Variants in MSI2 observed in about 807,000 individuals in gnomAD.
MSI2 encodes RNA-binding protein Musashi homolog 2.
A neutral mutation model predicts 45.6 loss-of-function variants in MSI2; 17 were observed. That is an observed-to-expected ratio of 0.37 (90% CI 0.26 to 0.56). The LOEUF is 0.56. Among genes scored for constraint, MSI2 ranks in the 20% least tolerant of loss-of-function variants. The pLI is 0.77. For missense variants in MSI2, 293 were observed against 444.2 expected (o/e 0.66, Z 3.06); for synonymous variants, 156 against 158.2 (o/e 0.99, Z 0.11).
At chr17:57,662,411 G>A (rs1726154438) in intron 11 of MSI2, among the ~76,000 whole-genome samples, 1 of 152,184 alleles carries the variant, frequency 6.6e-6, no homozygotes, top group Non-Finnish European at 1.5e-5. Flanking sequence ...CATGTATTAT[G>A]AGTGAGCCAA....
intron 6 of MSI2, among the ~76,000 whole-genome samples, chr17:57,408,909 C>T (rs1030909444): frequency 6.9e-6 from 1 of 144,392 alleles, no homozygotes; most frequent in African/African-American, 2.5e-5. Flanking sequence ...CCGTAGGATA[C>T]CCCCTTACAC....
At chr17:57,567,931 C>T (rs2144289634) in intron 7 of MSI2, among the ~76,000 whole-genome samples, 1 of 152,322 alleles carries the variant, frequency 6.6e-6, no homozygotes, top group South Asian at 2.1e-4. Context: ...CTTCCAATAA[C>T]CTTTGCAAGA....
chr17:57,579,277 A>G (rs931852885), intron 7 of MSI2, among the ~76,000 whole-genome samples: 5 of 152,232 alleles, frequency 3.3e-5, no homozygotes, highest in South Asian at 2.1e-4. Context: ...GAATGGCCGT[A>G]ACATGGCTAT....
intron 6 of MSI2, among the ~76,000 whole-genome samples, chr17:57,472,734 G>C (rs548514162): frequency 3.9e-5 from 6 of 152,268 alleles, no homozygotes; most frequent in African/African-American, 9.6e-5. Context: ...CGTGGATCCT[G>C]GTACGTCGTA....
intron 5 of MSI2, chr17:57,267,041 G>T (rs1335463799): frequency 1.3e-5 from 2 of 152,446 alleles, no homozygotes; most frequent in East Asian, 3.8e-4. Context: ...TTTCTTGGCA[G>T]CTTCTCAAGG....
intron 5 of MSI2, among the ~76,000 whole-genome samples, chr17:57,388,313 G>A (rs1034889869): frequency 2.0e-5 from 3 of 152,216 alleles, no homozygotes; most frequent in Non-Finnish European, 4.4e-5. Context: ...GGGCTGGGGG[G>A]AATTTGACTT....
At chr17:57,585,113 G>A (rs987190552) in intron 7 of MSI2, among the ~76,000 whole-genome samples, 4 of 151,980 alleles carry the variant, frequency 2.6e-5, no homozygotes, top group East Asian at 1.9e-4. Flanking sequence ...CCACCACCAC[G>A]CCCAGCCCTC....
chr17:57,696,642 A>C, the MSI2 span, among the ~76,000 whole-genome samples: 541 of 152,246 alleles, frequency 3.6e-3, 7 homozygotes, highest in East Asian at 0.011. Context: ...GGCTGAGGCA[A>C]GAGGATCACT....
chr17:57,411,148 G>T (rs1235275693), intron 6 of MSI2, among the ~76,000 whole-genome samples: 1 of 152,086 alleles, frequency 6.6e-6, no homozygotes, highest in African/African-American at 2.4e-5. Context: ...AGGACTACAG[G>T]CATGCACCAC....
the MSI2 span, among the ~76,000 whole-genome samples, chr17:57,697,153 C>CACATACACACACACACACACAG: frequency 6.6e-6 from 1 of 150,934 alleles, no homozygotes; most frequent in African/African-American, 2.4e-5. Context: ...GACACACACA[C>CACATACACACACACACACACAG]ACACACACAC....
At chr17:57,687,432 T>C, downstream of MSI2, among the ~76,000 whole-genome samples, 1 of 151,810 alleles carries the variant, frequency 6.6e-6, no homozygotes, top group Non-Finnish European at 1.5e-5. Context: ...AGCAAAAATA[T>C]ACAATATGAA....
At chr17:57,613,644 C>T (rs1907392135) in intron 8 of MSI2, among the ~76,000 whole-genome samples, 1 of 152,190 alleles carries the variant, frequency 6.6e-6, no homozygotes, top group Admixed American at 6.5e-5. Context: ...GTCAGAAACC[C>T]TTACATCAAA....
chr17:57,677,067 CGTCTCTGCCATGT>C lies in MSI2; in HGVS notation c.*31+18_*31+30del, dbSNP rs776174961. ...TTGCCATCTCACTCTGAGGTATTAC[CGTCTCTGCCATGT>C]GTCTCTGCCCTGCCGGTGTGTCCGT... On this transcript the variant is annotated intron_variant, in intron 13 of 13. Transcript: ENST00000284073. 3.1e-6 allele frequency: 5 copies of C among 1,603,150 alleles called. No individual in the cohort carries two copies. The South Asian group carries it at 5.5e-5, about 18-fold the overall frequency.
intron 6 of MSI2, among the ~76,000 whole-genome samples, chr17:57,497,168 G>T (rs1426138439): frequency 1.3e-5 from 2 of 152,150 alleles, no homozygotes; most frequent in Non-Finnish European, 2.9e-5. Context: ...GTAGAGTCAG[G>T]GTTTCACCAT....
At chr17:57,344,569 A>T (rs141262794) in intron 5 of MSI2, among the ~76,000 whole-genome samples, 1 of 152,316 alleles carries the variant, frequency 6.6e-6, no homozygotes, top group East Asian at 1.9e-4. Flanking sequence ...AGGTTACTAG[A>T]GCGTCTTTGC....
chr17:57,492,206 C>T (rs889504313), intron 6 of MSI2, among the ~76,000 whole-genome samples: 4 of 152,182 alleles, frequency 2.6e-5, no homozygotes, highest in African/African-American at 9.7e-5. Flanking sequence ...GCTCAGTAAT[C>T]GCCATGAAAA....
intron 9 of MSI2, chr17:57,618,145 C>A (rs1226865048): frequency 6.6e-6 from 1 of 151,322 alleles, no homozygotes; most frequent in African/African-American, 2.4e-5. Flanking sequence ...CCTCAGCTAC[C>A]CAGGAGGCTG....
At chr17:57,426,349 T>C (rs2084492007) in intron 6 of MSI2, among the ~76,000 whole-genome samples, 1 of 152,248 alleles carries the variant, frequency 6.6e-6, no homozygotes, top group African/African-American at 2.4e-5. Context: ...CCATTGTTAT[T>C]TAAATTTTGC....
rs1362718103 is a variant in MSI2 at position 57,674,963 on chromosome 17, C to T, written c.791-9C>T. 2.5e-6 allele frequency: 4 copies of T among 1,612,882 alleles called. No homozygotes were observed. Among genetic ancestry groups the T allele is most frequent in the African/African-American group, 1.3e-5 (1 of 74,930 alleles). On this transcript the variant is annotated splice_polypyrimidine_tract_variant and intron_variant, in intron 11 of 13. Coordinates refer to ENST00000284073, the MANE Select transcript of MSI2 (RefSeq NM_138962.4). Reference sequence around the variant, plus strand: ...CAACCGAATTTTGGCGCGCCCGCTTCCCCGGCAGGCTCCAACCCGGCGCGG... The same window carrying T: ...CAACCGAATTTTGGCGCGCCCGCTTTCCCGGCAGGCTCCAACCCGGCGCGG...
Sources: gnomAD v4.1 joint callset for allele counts (sites outside exome capture counted in the v4.1 genomes callset) on GRCh38, gnomAD v4.1.1 for gene constraint, MANE v1.5 for transcripts, NCBI Gene and HGNC (gene_info 2026-07-23, HGNC 2026-07-21) for gene names.